PPP1R12C: variants seen among roughly 807,000 people sequenced by gnomAD.
PPP1R12C encodes the protein protein phosphatase 1 regulatory subunit 12C, also known as leukocyte receptor cluster (LRC) encoded novel gene 3.
PPP1R12C carries 48 observed loss-of-function variants against 95.6 expected under a neutral mutation model. The ratio of observed to expected loss-of-function variants is 0.50; its 90% CI spans 0.40 to 0.64. The LOEUF is 0.64. PPP1R12C is among the 30% of genes least tolerant of loss of function. The pLI, the probability that PPP1R12C is intolerant of heterozygous loss-of-function variation, is 0.00. For synonymous variants in PPP1R12C, 480 were observed against 460.8 expected (o/e 1.04, Z -0.53); for missense variants, 1,057 against 1,083.3 (o/e 0.98, Z 0.34).
intron 6 of PPP1R12C, 44 bp from the exon 7 acceptor site, chr19:55,096,379 G>C (rs528688527): frequency 6.3e-7 from 1 of 1,588,694 alleles, no homozygotes; most frequent in Non-Finnish European, 8.6e-7. Flanking sequence ...TGGAGCACAC[G>C]TGCCCCACAG....
rs1332469561 is a variant in PPP1R12C at position 55,106,145 on chromosome 19, A to G, written c.572-2577T>C. Among the ~76,000 whole-genome samples the G allele has an allele frequency of 3.3e-5, 5 of 152,180 alleles. No individual in the cohort carries two copies. In the East Asian group the frequency reaches 9.6e-4, roughly 29 times the overall value. ...CACTAGTGGAATAGTGGTGCCAGGC[A>G]TGGTGTGTCCCGCAACACCTGAAAC... On this transcript the variant is annotated intron_variant, in intron 3 of 21. Transcript: ENST00000263433.
chr19:55,104,608 C>T (rs562375873), intron 3 of PPP1R12C, among the ~76,000 whole-genome samples: 9 of 150,968 alleles, frequency 6.0e-5, no homozygotes, highest in East Asian at 5.9e-4. Flanking sequence ...GAGGCTGAGG[C>T]GGAAGGATCT....
intron 12 of PPP1R12C, 105 bp from the exon 13 acceptor site, chr19:55,094,540 T>G: frequency 1.3e-6 from 2 of 1,571,726 alleles, no homozygotes; most frequent in Non-Finnish European, 1.7e-6. Context: ...GGACTCCAAC[T>G]CCCAGCAGAC....
At chr19:55,113,313 G>T in intron 1 of PPP1R12C, 1 of 1,044,828 alleles carries the variant, frequency 9.6e-7, no homozygotes, top group South Asian at 2.0e-5. Flanking sequence ...GGCTATGCAG[G>T]GTGGAGGAAG....
rs73617639 is a variant in PPP1R12C at position 55,113,047 on chromosome 19, G to A, written c.322-252C>T. ...GGCTATCTGCAAACAGGAAGTGAAC[G>A]GGGAAGGGAGGGGGCTTCTCATCTG... On this transcript the variant is annotated intron_variant, in intron 1 of 21. Coordinates refer to ENST00000263433, the MANE Select transcript of PPP1R12C (RefSeq NM_017607.4). 7.2e-4 allele frequency: 415 copies of A among 577,296 alleles called. 2 individuals are homozygous for A. The highest frequency in any genetic ancestry group is 6.8e-3 in the African/African-American group (363 of 53,712). 35.8% of individuals were successfully genotyped at this position (577,296 alleles called of 1,614,324 possible).
Position 55,095,544 on chromosome 19 carries a change from A to G in PPP1R12C, c.1287T>C (p.Gly429=). The change falls in exon 10 of 22, where the codon GGT becomes GGC. Residue 429 remains glycine (G), a synonymous_variant. Transcript: ENST00000263433. ...TCCGCCTTTCAGGGGGACCCAGGGC[A>G]CCAGAACTCCCTGTCTTCAGGAGGC... ...RFGLLKTGSS[G]ALGPPERRTA... 6.3e-7 allele frequency: 1 copy of G among 1,593,096 alleles called. No individual in the cohort carries two copies.
At chr19:55,107,900 A>C (rs1326557721) in intron 3 of PPP1R12C, among the ~76,000 whole-genome samples, 1 of 151,822 alleles carries the variant, frequency 6.6e-6, no homozygotes, top group Non-Finnish European at 1.5e-5. Flanking sequence ...AGTGAAAAAA[A>C]TGTGGTAAAA....
chr19:55,094,797 A>T lies in PPP1R12C; in HGVS notation c.1456T>A (p.Ser486Thr). ...CAAGGAGGAGGCTTGGTGACCTCAG[A>T]CCTGCATCAATTCATTCATTCCACA... The part of the protein sequence containing the change: ...SPKLPEPSVL[S>T]EVTKPPPCLE... The change falls in exon 12 of 22, where the codon TCT (serine) becomes ACT (threonine). Residue 486 changes from serine to threonine, a missense_variant and splice_region_variant. By Grantham distance (58) the Ser-to-Thr change is moderately conservative. Transcript: ENST00000263433. 4 of 1,590,768 alleles carry T rather than the reference A, an allele frequency of 2.5e-6. No individual in the cohort carries two copies. Among genetic ancestry groups the T allele is most frequent in the Non-Finnish European group, 3.4e-6 (4 of 1,171,280 alleles).
intron 12 of PPP1R12C, 95 bp from the exon 13 acceptor site, chr19:55,094,530 G>C (rs905391985): frequency 1.5e-5 from 24 of 1,579,190 alleles, no homozygotes; most frequent in Non-Finnish European, 2.1e-5. Context: ...CTGTGGGAGG[G>C]GACTCCAACT....
rs1265846376 is a variant in PPP1R12C, at chr19:55,092,852, C to T, written c.1842G>A (p.Gly614=). The T allele has an allele frequency of 1.9e-6, 3 of 1,579,078 alleles. No individual in the cohort carries two copies. Among genetic ancestry groups the T allele is most frequent in the South Asian group, 2.3e-5 (2 of 87,508 alleles). ...TGGCCGCCTGCGGTCCCGGACCCTG[C>T]CCGTCGGGCGCCTCTGCTGGGGGAG... ...SPAQRAEAPD[G]QGPGPQAARE... The change falls in exon 16 of 22, where the codon GGG becomes GGA. Residue 614 remains glycine, a synonymous_variant. Transcript: ENST00000263433.
intron 6 of PPP1R12C, chr19:55,097,100 G>C (rs1248009142): frequency 6.8e-6 from 1 of 147,556 alleles, no homozygotes; most frequent in African/African-American, 5.1e-5. Flanking sequence ...CCTACCCCGC[G>C]CAGTTCGCAG....
At chr19:55,095,712 G>T (rs1407155875) in intron 9 of PPP1R12C, 109 bp from the exon 10 acceptor site, 22 of 1,512,172 alleles carry the variant, frequency 1.5e-5, no homozygotes, top group Non-Finnish European at 1.9e-5. Context: ...CAGCCCCCGG[G>T]GCAGGCACAG....
At chr19:55,095,680 T>A in intron 9 of PPP1R12C, 77 bp from the exon 10 acceptor site, 2 of 1,502,820 alleles carry the variant, frequency 1.3e-6, no homozygotes, top group Non-Finnish European at 1.8e-6. Context: ...CCCAAAGGAC[T>A]GCAACAAACT....
chr19:55,092,522 C>T lies in PPP1R12C; in HGVS notation c.1975G>A (p.Ala659Thr), dbSNP rs1327774481. 6.2e-7 allele frequency: 1 copy of T among 1,606,982 alleles called. No individual in the cohort carries two copies. Among genetic ancestry groups the T allele is most frequent in the Admixed American group, 1.7e-5 (1 of 59,312 alleles). ...ESSTLEGGPS[A>T]RRQRWQRDLN... The stretch of plus-strand genomic sequence containing the variant: ...TCCCGCTGCCACCGCTGCCTGCGGG[C>T]CGAGGGGCCGCCCTCCAGGGTGCTG... The change falls in exon 18 of 22, where the codon GCC (alanine) becomes ACC (threonine). Residue 659 changes from alanine (A) to threonine (T), a missense_variant. Physicochemically the swap from Ala to Thr is moderately conservative, Grantham distance 58. Coordinates refer to ENST00000263433, the MANE Select transcript of PPP1R12C (RefSeq NM_017607.4).
chr19:55,117,274 G>A lies in PPP1R12C; in HGVS notation c.270C>T (p.Ala90=). ...AELDPAAPPP[A]RAVLDSTNAD... Reference sequence around the variant, plus strand: ...CGTTGGTGGAGTCCAGCACGGCGCGGGCGGGCGGCGGCGCGGCGGGGTCGA... The same window carrying A: ...CGTTGGTGGAGTCCAGCACGGCGCGAGCGGGCGGCGGCGCGGCGGGGTCGA... Residue 90 remains alanine, a synonymous_variant, in exon 1 of 22, where the codon GCC becomes GCT. Transcript: ENST00000263433. 1 of 1,223,172 alleles carries A rather than the reference G, an allele frequency of 8.2e-7. No homozygotes were observed. The highest frequency in any genetic ancestry group is 1.0e-6 in the Non-Finnish European group (1 of 983,534). The allele number at this position is 1,223,172 out of a possible 1,614,324, so 75.8% of individuals were successfully genotyped here. A position where few individuals can be genotyped will look rare whatever the true frequency, so the allele number is the denominator to read the frequency against.
intron 1 of PPP1R12C, among the ~76,000 whole-genome samples, chr19:55,116,792 GAGGGC>G (rs2085158763): frequency 6.6e-6 from 1 of 152,098 alleles, no homozygotes; most frequent in African/African-American, 2.4e-5. Context: ...AGGTTCAGGA[GAGGGC>G]AGGGCAGGGA....
intron 16 of PPP1R12C, 38 bp from the exon 17 acceptor site, chr19:55,092,700 G>A (rs2084859954): frequency 2.0e-6 from 3 of 1,529,476 alleles, no homozygotes; most frequent in Admixed American, 2.1e-5. Flanking sequence ...GGGTATGGGA[G>A]GGACTTTAGC....
In PPP1R12C at chr19:55,095,572, A is replaced by G; in HGVS notation, c.1259T>C (p.Phe420Ser). 6.3e-7 allele frequency: 1 copy of G among 1,581,374 alleles called. No homozygotes were observed. The highest frequency in any genetic ancestry group is 8.6e-7 in the Non-Finnish European group (1 of 1,167,024). ...AGAACTCCCTGTCTTCAGGAGGCCA[A>G]AGCGCCTGGAGAAGGGGGCCTCTTC... is the stretch of plus-strand genomic sequence containing the variant. Reference protein sequence around the residue: ...QLEEAPFSRRFGLLKTGSSGA... With the variant: ...QLEEAPFSRRSGLLKTGSSGA... The change falls in exon 10 of 22, where the codon TTT (phenylalanine) becomes TCT (serine). Residue 420 changes from phenylalanine (F) to serine (S), a missense_variant. Phe to Ser is a radical substitution (Grantham distance 155). Transcript: ENST00000263433.
intron 6 of PPP1R12C, among the ~76,000 whole-genome samples, chr19:55,098,457 C>T (rs569214870): frequency 6.6e-6 from 1 of 152,230 alleles, no homozygotes; most frequent in Non-Finnish European, 1.5e-5. Context: ...GAGTCTAGGA[C>T]AATCCTGCAC....
Sources: gnomAD v4.1 joint callset for allele counts (sites outside exome capture counted in the v4.1 genomes callset) on GRCh38, gnomAD v4.1.1 for gene constraint, MANE v1.5 for transcripts, NCBI Gene and HGNC (gene_info 2026-07-23, HGNC 2026-07-21) for gene names.